PXDN: variants seen among roughly 807,000 people sequenced by gnomAD.
PXDN encodes peroxidasin.
A neutral mutation model predicts 140.3 loss-of-function variants in PXDN; 77 were observed. The observed-to-expected ratio is 0.55, with a 90% CI of 0.46 to 0.66. The LOEUF is 0.66. PXDN is among the 30% of genes least tolerant of loss of function. The pLI is 0.00. For synonymous variants in PXDN, 911 were observed against 857.4 expected, an observed-to-expected ratio of 1.06 and a Z score of -1.09; for missense variants, 1,838 against 2,039.5, an observed-to-expected ratio of 0.90 and a Z score of 1.90.
At position 1,639,296 on chromosome 2, in the gene PXDN, C is replaced by A; in HGVS notation, c.4073+6G>T. 1 of 1,611,152 alleles carries A rather than the reference C, an allele frequency of 6.2e-7. No homozygotes were observed. Among genetic ancestry groups the A allele is most frequent in the Non-Finnish European group, 8.5e-7 (1 of 1,178,570 alleles). Reference sequence around the variant, plus strand: ...GCACATCATTTGACCTCAGAGACCACCATACCTGGGTATTTTCCGTGGTCT... The same window carrying A: ...GCACATCATTTGACCTCAGAGACCAACATACCTGGGTATTTTCCGTGGTCT... On this transcript the variant is annotated splice_donor_region_variant and intron_variant, in intron 20 of 22. Coordinates refer to ENST00000252804, the MANE Select transcript of PXDN (RefSeq NM_012293.3). This position sits in a 1 kb window ranked among gnomAD's most constrained non-coding sequence, Gnocchi z 5.0.
At chr2:1,669,364 C>T (rs1683523049) in intron 9 of PXDN, among the ~76,000 whole-genome samples, 1 of 152,128 alleles carries the variant, frequency 6.6e-6, no homozygotes, top group Admixed American at 6.5e-5. Context: ...GGGCTTAAAA[C>T]CTAGATGACA....
intron 16 of PXDN, 136 bp downstream of exon 16, chr2:1,653,492 G>A: frequency 7.8e-7 from 1 of 1,280,514 alleles, no homozygotes; most frequent in Non-Finnish European, 1.1e-6. Flanking sequence ...CACAGTTTAA[G>A]GAAATAATTT....
Position 1,744,399 on chromosome 2 carries a change from G to C in PXDN, c.57C>G (p.Phe19Leu), listed in dbSNP as rs1158218200. 1 of 1,519,862 alleles carries C rather than the reference G, an allele frequency of 6.6e-7. No homozygotes were observed. The highest frequency in any genetic ancestry group is 8.8e-7 in the Non-Finnish European group (1 of 1,140,732). The allele number at this position is 1,519,862 out of a possible 1,614,324, so 94.1% of individuals were successfully genotyped here. A position where few individuals can be genotyped will look rare whatever the true frequency, so the allele number is the denominator to read the frequency against. ...GRRCLLALVL[F>L]CAWGTLAVVA... ...CCACGGCCAGCGTCCCCCAGGCGCAGAACAGCACGAGCGCCAACAGGCAGC... is the reference window on the plus strand; with the variant it reads ...CCACGGCCAGCGTCCCCCAGGCGCACAACAGCACGAGCGCCAACAGGCAGC... Residue 19 changes from phenylalanine (F) to leucine (L), a missense_variant, in exon 1 of 23, where the codon TTC (phenylalanine) becomes TTG (leucine). Physicochemically the swap from Phe to Leu is conservative, Grantham distance 22. This residue lies in a region of PXDN where 231 missense variants were observed against 201.5 expected (regional missense o/e 1.15). Coordinates refer to ENST00000252804, the MANE Select transcript of PXDN (RefSeq NM_012293.3).
chr2:1,704,809 T>C (rs1684551993), intron 1 of PXDN, among the ~76,000 whole-genome samples: 1 of 152,058 alleles, frequency 6.6e-6, no homozygotes, highest in Non-Finnish European at 1.5e-5. Flanking sequence ...TGGCTTTGAA[T>C]ACAATGGGAG....
chr2:1,704,321 T>A (rs1572175134), intron 1 of PXDN, among the ~76,000 whole-genome samples: 1 of 90,258 alleles, frequency 1.1e-5, no homozygotes, highest in African/African-American at 5.0e-5. Context: ...CAACTCCAGG[T>A]GAAGCGGGGG....
At chr2:1,658,875 C>T (rs1053268361) in intron 14 of PXDN, among the ~76,000 whole-genome samples, 12 of 151,470 alleles carry the variant, frequency 7.9e-5, no homozygotes, top group Non-Finnish European at 1.3e-4. Flanking sequence ...AATACGCAGG[C>T]GAGTGCTGAC....
At chr2:1,643,613 G>A (rs1247489309) in intron 18 of PXDN, 37 bp from the exon 19 acceptor site, 1 of 1,605,914 alleles carries the variant, frequency 6.2e-7, no homozygotes, top group Admixed American at 1.7e-5. Flanking sequence ...TCAGAGAAGG[G>A]CAGGAGACTC....
rs201084624 is a variant in PXDN, at chr2:1,639,429, T to C, written c.3953-7A>G. 34 of 1,613,908 alleles carry C rather than the reference T, an allele frequency of 2.1e-5. No individual in the cohort carries two copies. In the African/African-American group the frequency reaches 3.5e-4, roughly 16 times the overall value. On this transcript the variant is annotated splice_region_variant and splice_polypyrimidine_tract_variant and intron_variant, in intron 19 of 22. Transcript: ENST00000252804. The surrounding 1 kb of genome is among the most constrained non-coding windows in gnomAD (Gnocchi z 5.0). ...TGCCCCCTGGTCCTACAGTCTAAAATGGAAGCACAAAGCAGAATGTCAGCT... is the reference window on the plus strand; with the variant it reads ...TGCCCCCTGGTCCTACAGTCTAAAACGGAAGCACAAAGCAGAATGTCAGCT...
intron 1 of PXDN, among the ~76,000 whole-genome samples, chr2:1,693,591 T>C (rs1684231236): frequency 6.6e-6 from 1 of 152,198 alleles, no homozygotes; most frequent in Non-Finnish European, 1.5e-5. Context: ...GCTACCTTCA[T>C]GAGATTTAAA....
At chr2:1,699,491 C>A (rs1684371424) in intron 1 of PXDN, among the ~76,000 whole-genome samples, 1 of 152,154 alleles carries the variant, frequency 6.6e-6, no homozygotes. Context: ...GGCGGATCAC[C>A]TGAGGTCAGG....
In PXDN at chr2:1,733,508, G is replaced by A. The variant is rs149638309; in HGVS notation, c.200+10748C>T. ...TATAATCCCAGCACTTTGGGAGGCC[G>A]AGGCGGGTGAATCACCTGTAGTCAG... On this transcript the variant is annotated intron_variant, in intron 1 of 22. Coordinates refer to ENST00000252804, the MANE Select transcript of PXDN (RefSeq NM_012293.3). Among the ~76,000 whole-genome samples the A allele has an allele frequency of 3.3e-3, 496 of 152,266 alleles. 4 individuals are homozygous for A. Among genetic ancestry groups the A allele is most frequent in the African/African-American group, 0.011 (459 of 41,556 alleles).
At chr2:1,699,623 T>A (rs1684375898) in intron 1 of PXDN, among the ~76,000 whole-genome samples, 1 of 152,142 alleles carries the variant, frequency 6.6e-6, no homozygotes. Flanking sequence ...GGCAGGAGAA[T>A]CCCTTGAACC....
chr2:1,689,013 G>A (rs1684126853), intron 3 of PXDN, among the ~76,000 whole-genome samples: 1 of 152,048 alleles, frequency 6.6e-6, no homozygotes, highest in Non-Finnish European at 1.5e-5. Flanking sequence ...ACCTCATAAA[G>A]AGTTACAAGC....
At position 1,744,389 on chromosome 2, in the gene PXDN, C is replaced by G; in HGVS notation, c.67G>C (p.Gly23Arg). 1 of 1,526,208 alleles carries G rather than the reference C, an allele frequency of 6.6e-7. No homozygotes were observed. Among genetic ancestry groups the G allele is most frequent in the Non-Finnish European group, 8.7e-7 (1 of 1,143,310 alleles). The allele number at this position is 1,526,208 out of a possible 1,614,324, so 94.5% of individuals were successfully genotyped here. A position where few individuals can be genotyped will look rare whatever the true frequency, so the allele number is the denominator to read the frequency against. The change falls in exon 1 of 23, where the codon GGG (glycine) becomes CGG (arginine). Residue 23 changes from glycine (G) to arginine (R), a missense_variant. Coordinates refer to ENST00000252804, the MANE Select transcript of PXDN (RefSeq NM_012293.3). Reference protein sequence around the residue: ...LLALVLFCAWGTLAVVAQKPG... With the variant: ...LLALVLFCAWRTLAVVAQKPG... ...TTCTGGGCCACCACGGCCAGCGTCC[C>G]CCAGGCGCAGAACAGCACGAGCGCC... is the stretch of plus-strand genomic sequence containing the variant.
chr2:1,741,844 G>C (rs1450960009), intron 1 of PXDN, among the ~76,000 whole-genome samples: 2 of 152,168 alleles, frequency 1.3e-5, no homozygotes, highest in Non-Finnish European at 2.9e-5. Context: ...AAGTGGACAT[G>C]AAATGTTGCT....
rs756099922 is a variant in PXDN, at chr2:1,677,024, C to T, written c.751G>A (p.Glu251Lys). 4 of 1,607,106 alleles carry T rather than the reference C, an allele frequency of 2.5e-6. No homozygotes were observed. Among genetic ancestry groups the T allele is most frequent in the Non-Finnish European group, 3.4e-6 (4 of 1,175,446 alleles). Residue 251 changes from glutamate (E) to lysine (K), a missense_variant, in exon 8 of 23, where the codon GAG becomes AAG. Around this residue, in one of 5 missense-constraint regions of PXDN, gnomAD observed 208 missense variants for 325.8 expected, o/e 0.64. Coordinates refer to ENST00000252804, the MANE Select transcript of PXDN (RefSeq NM_012293.3). ...GAGGTCACATCTGCGTCCTGGGGCT[C>T]GGAGGTGATCCGGGGCCTTTCTGTG... ...LNCERPRITS[E>K]PQDADVTSGN...
intron 1 of PXDN, among the ~76,000 whole-genome samples, chr2:1,733,287 A>C (rs879788848): frequency 6.6e-6 from 1 of 152,188 alleles, no homozygotes; most frequent in Non-Finnish European, 1.5e-5. Flanking sequence ...AAGCACAAAA[A>C]ACACAGAGAA....
chr2:1,691,885 G>T, intron 3 of PXDN, 43 bp downstream of exon 3: 1 of 1,259,130 alleles, frequency 7.9e-7, no homozygotes, highest in South Asian at 1.5e-5. Flanking sequence ...AAGTAATCTA[G>T]ATACCATAAG....
chr2:1,728,944 C>T (rs376457167), intron 1 of PXDN, among the ~76,000 whole-genome samples: 17 of 152,326 alleles, frequency 1.1e-4, no homozygotes, highest in African/African-American at 4.1e-4. Flanking sequence ...CTCTGCAGAA[C>T]AGGACCACCA....
Sources: allele counts gnomAD v4.1 joint callset (sites outside exome capture counted in the v4.1 genomes callset), GRCh38; gene constraint gnomAD v4.1.1; regional missense constraint gnomAD v4.1.1; non-coding constraint Gnocchi (gnomAD v3.1); transcripts MANE v1.5; gene names NCBI Gene and HGNC (gene_info 2026-07-23, HGNC 2026-07-21).